Variants in NRXN1 observed in about 807,000 individuals in gnomAD.
The protein encoded by NRXN1 is neurexin-1.
A neutral mutation model predicts 150.9 loss-of-function variants in NRXN1; 39 were observed. The ratio of observed to expected loss-of-function variants is 0.26; its 90% confidence interval spans 0.20 to 0.34. NRXN1 has a LOEUF of 0.34. NRXN1 is among the 10% of genes least tolerant of loss of function. NRXN1 has a pLI of 1.00. For synonymous variants in NRXN1, 924 were observed against 757.0 expected (o/e 1.22, Z -3.62); for missense variants, 1,815 against 1,949.9 (o/e 0.93, Z 1.30).
chr2:50,204,449 G>C (rs921206890), intron 18 of NRXN1, among the ~76,000 whole-genome samples: 4 of 151,756 alleles, frequency 2.6e-5, no homozygotes, highest in Admixed American at 2.6e-4. Context: ...TGTAGCTATT[G>C]GCTCTGTCAG....
At chr2:50,920,867 C>A (rs1480498010) in intron 5 of NRXN1, among the ~76,000 whole-genome samples, 2 of 151,678 alleles carry the variant, frequency 1.3e-5, no homozygotes, top group African/African-American at 4.8e-5. Flanking sequence ...CTATTTTACA[C>A]ATTTAAAATT....
rs543079804 is a variant in NRXN1, at chr2:50,230,270, TAGAG to T, written c.3546+6515_3546+6518del. Among the ~76,000 whole-genome samples, 20 of 152,044 alleles carry T rather than the reference TAGAG, an allele frequency of 1.3e-4. No homozygotes were observed. In the South Asian group the frequency reaches 3.9e-3, roughly 30 times the overall value. On this transcript the variant is annotated intron_variant, in intron 18 of 22. Coordinates refer to ENST00000401669, the MANE Select transcript of NRXN1 (RefSeq NM_001330078.2). The stretch of plus-strand genomic sequence containing the variant: ...AAATCTTTTGAACAGGAATTAGAAA[TAGAG>T]AGATGACAAGAAGCTCATTTTTTAA...
intron 5 of NRXN1, among the ~76,000 whole-genome samples, chr2:50,665,473 C>T (rs1224007795): frequency 1.3e-5 from 2 of 151,756 alleles, no homozygotes; most frequent in African/African-American, 2.4e-5. Flanking sequence ...AATAATCTGC[C>T]GAATCAAATA....
At position 50,708,441 on chromosome 2, in the gene NRXN1, TTTG is replaced by T. The variant is rs1049961168; in HGVS notation, c.833-84829_833-84827del. 1.8e-3 allele frequency among the ~76,000 whole-genome samples: 271 copies of T among 152,278 alleles called. 1 individual carries two copies. Among genetic ancestry groups the T allele is most frequent in the African/African-American group, 6.3e-3 (261 of 41,550 alleles). Reference sequence around the variant, plus strand: ...CCAATTAACTTTCTATGTAATAAGATTTGTTGTTGCTGCTGGGAACAGGGCTTG... The same window carrying T: ...CCAATTAACTTTCTATGTAATAAGATTTGTTGCTGCTGGGAACAGGGCTTG... On this transcript the variant is annotated intron_variant, in intron 5 of 22. Transcript: ENST00000401669.
At chr2:50,375,690 A>G (rs2080435805) in intron 17 of NRXN1, among the ~76,000 whole-genome samples, 1 of 151,398 alleles carries the variant, frequency 6.6e-6, no homozygotes, top group Admixed American at 6.6e-5. Flanking sequence ...GTCAAACTGA[A>G]GCCTATAGAA....
In NRXN1 at chr2:50,347,020, A is replaced by C; in HGVS notation, c.3365-110050T>G. ...GGGGCGCGGGGAGAGGAGAGGGCGC[A>C]GGGGAGCGGGCGGCGCGGAGTGGGC... is the stretch of plus-strand genomic sequence containing the variant. On this transcript the variant is annotated intron_variant, in intron 17 of 22. Transcript: ENST00000401669. This position sits in a 1 kb window ranked among gnomAD's most constrained non-coding sequence, Gnocchi z 4.9. The C allele has an allele frequency of 7.2e-7, 1 of 1,388,016 alleles. No individual in the cohort carries two copies. Among genetic ancestry groups the C allele is most frequent in the South Asian group, 1.3e-5 (1 of 77,390 alleles). 86.0% of individuals were successfully genotyped at this position (1,388,016 alleles called of 1,614,324 possible). A position where few individuals can be genotyped will look rare whatever the true frequency, so the allele number is the denominator to read the frequency against.
At chr2:50,978,022 G>C (rs1349281626) in intron 2 of NRXN1, among the ~76,000 whole-genome samples, 1 of 151,002 alleles carries the variant, frequency 6.6e-6, no homozygotes. Context: ...AACTTACCAG[G>C]CTATTTTCTC....
At chr2:50,560,674 C>A (rs6718772) in intron 8 of NRXN1, among the ~76,000 whole-genome samples, 2 of 152,078 alleles carry the variant, frequency 1.3e-5, no homozygotes, top group East Asian at 1.9e-4. Context: ...TCAAGTGATC[C>A]GCCTGCTTTG....
chr2:50,702,156 G>C (rs1339186841), intron 5 of NRXN1, among the ~76,000 whole-genome samples: 1 of 152,056 alleles, frequency 6.6e-6, no homozygotes, highest in African/African-American at 2.4e-5. Context: ...GATATTCTTA[G>C]AAATTCACCG....
chr2:50,321,208 T>C (rs2076016072), intron 17 of NRXN1, among the ~76,000 whole-genome samples: 1 of 152,108 alleles, frequency 6.6e-6, no homozygotes, highest in African/African-American at 2.4e-5. Context: ...AAAACCAGAC[T>C]AAGTATCCTG....
intron 18 of NRXN1, among the ~76,000 whole-genome samples, chr2:50,232,223 G>T (rs1026693831): frequency 2.0e-5 from 3 of 151,902 alleles, no homozygotes; most frequent in South Asian, 2.1e-4. Context: ...ATTTATTGAG[G>T]TGGTTACTAA....
chr2:50,191,382 T>C (rs538214597), intron 18 of NRXN1, among the ~76,000 whole-genome samples: 39 of 152,238 alleles, frequency 2.6e-4, no homozygotes, highest in South Asian at 8.3e-4. Flanking sequence ...TAGTACAATA[T>C]CTAAATTAGG....
intron 5 of NRXN1, among the ~76,000 whole-genome samples, chr2:50,906,921 G>A (rs1683773417): frequency 6.6e-6 from 1 of 151,934 alleles, no homozygotes; most frequent in Non-Finnish European, 1.5e-5. Flanking sequence ...TGGAACTGAA[G>A]GAAATTGGAA....
At chr2:50,408,526 C>T (rs2082911454) in intron 17 of NRXN1, among the ~76,000 whole-genome samples, 1 of 152,134 alleles carries the variant, frequency 6.6e-6, no homozygotes, top group Non-Finnish European at 1.5e-5. Flanking sequence ...CTCTTGCTTA[C>T]TTGGTGCTTT....
intron 21 of NRXN1, among the ~76,000 whole-genome samples, chr2:49,984,424 A>C (rs1195411159): frequency 6.6e-6 from 1 of 152,188 alleles, no homozygotes; most frequent in East Asian, 1.9e-4. Context: ...TTTTAAAAAC[A>C]AACAGAAACT....
At chr2:50,700,094 G>A (rs1350613655) in intron 5 of NRXN1, among the ~76,000 whole-genome samples, 1 of 152,228 alleles carries the variant, frequency 6.6e-6, no homozygotes, top group South Asian at 2.1e-4. Flanking sequence ...ATATATGTTT[G>A]TCCTTTGATA....
intron 18 of NRXN1, among the ~76,000 whole-genome samples, chr2:50,161,792 G>A (rs2059378523): frequency 6.6e-6 from 1 of 151,998 alleles, no homozygotes; most frequent in African/African-American, 2.4e-5. Context: ...ACTCTGTTTA[G>A]TGCCAGCCAT....
chr2:50,583,550 A>G (rs1672625692), intron 8 of NRXN1, among the ~76,000 whole-genome samples: 1 of 152,174 alleles, frequency 6.6e-6, no homozygotes, highest in South Asian at 2.1e-4. Context: ...AGACTACATC[A>G]TGTTAATTTT....
chr2:50,103,713 C>T (rs1701278317), intron 18 of NRXN1, among the ~76,000 whole-genome samples: 1 of 152,022 alleles, frequency 6.6e-6, no homozygotes, highest in African/African-American at 2.4e-5. Flanking sequence ...TTCTCCAGAG[C>T]AGTAACCACT....
Sources: gnomAD v4.1 joint callset for allele counts (sites outside exome capture counted in the v4.1 genomes callset) on GRCh38, gnomAD v4.1.1 for gene constraint, Gnocchi (gnomAD v3.1) non-coding constraint, MANE v1.5 for transcripts, NCBI Gene and HGNC (gene_info 2026-07-23, HGNC 2026-07-21) for gene names.